Variants in PCNX1 observed in about 807,000 individuals in gnomAD.
The protein encoded by PCNX1 is pecanex 1, also known as pecanex-like protein 1.
A neutral mutation model predicts 242.2 loss-of-function variants in PCNX1; 78 were observed. That is an observed-to-expected ratio of 0.32 (90% CI 0.27 to 0.39). PCNX1 has a LOEUF of 0.39. PCNX1 is among the 10% of genes least tolerant of loss of function. The pLI, the probability that PCNX1 is intolerant of heterozygous loss-of-function variation, is 1.00. For missense variants in PCNX1, 2,581 were observed against 2,856.5 expected (o/e 0.90, Z 2.20); for synonymous variants, 1,024 against 1,032.9 (o/e 0.99, Z 0.17).
Position 70,968,190 on chromosome 14 carries a change from G to A in PCNX1, c.469-8G>A, listed in dbSNP as rs200827289. ...ATTAGTTTTATTTACTTCATGTCAC[G>A]TTTTCAGATTGGATCTGGTTCCTCG... is the stretch of plus-strand genomic sequence containing the variant. On this transcript the variant is annotated splice_region_variant and splice_polypyrimidine_tract_variant and intron_variant, in intron 3 of 35. Coordinates refer to ENST00000304743, the MANE Select transcript of PCNX1 (RefSeq NM_014982.3). The A allele has an allele frequency of 1.0e-5, 16 of 1,607,578 alleles. No individual in the cohort carries two copies. Among genetic ancestry groups the A allele is most frequent in the African/African-American group, 1.3e-5 (1 of 74,868 alleles).
rs749060648 is a variant in PCNX1 at position 70,946,961 on chromosome 14, T to C, written c.200T>C (p.Ile67Thr). 6.2e-7 allele frequency: 1 copy of C among 1,613,920 alleles called. No individual in the cohort carries two copies. The highest frequency in any genetic ancestry group is 8.5e-7 in the Non-Finnish European group (1 of 1,179,806). ...ATAGTAGCAGTTTATTGTCCTGTGATAGCTGCTGTTTTCATTGTTCTGAAG... is the reference window on the plus strand; with the variant it reads ...ATAGTAGCAGTTTATTGTCCTGTGACAGCTGCTGTTTTCATTGTTCTGAAG... ...MIIVAVYCPV[I>T]AAVFIVLKMV... Residue 67 changes from isoleucine (I) to threonine (T), a missense_variant, in exon 2 of 36, where the codon ATA becomes ACA. Around this residue, in one of 9 missense-constraint regions of PCNX1, gnomAD observed 1,204 missense variants for 1,216.7 expected, o/e 0.99. Coordinates refer to ENST00000304743, the MANE Select transcript of PCNX1 (RefSeq NM_014982.3).
In PCNX1 at chr14:70,977,222, C is replaced by G. The variant is rs775928236; in HGVS notation, c.885C>G (p.Asp295Glu). Residue 295 changes from aspartate (D) to glutamate (E), a missense_variant, in exon 6 of 36, where the codon GAC becomes GAG. Asp to Glu is a conservative substitution (Grantham distance 45). Coordinates refer to ENST00000304743, the MANE Select transcript of PCNX1 (RefSeq NM_014982.3). Reference sequence around the variant, plus strand: ...CTAGCTCTGCTGTGGCTTTTCCAGACACTTCACTGAATGATTTTCCCCTTT... The same window carrying G: ...CTAGCTCTGCTGTGGCTTTTCCAGAGACTTCACTGAATGATTTTCCCCTTT... Reference protein sequence around the residue: ...RTSSSAVAFPDTSLNDFPLYQ... With the variant: ...RTSSSAVAFPETSLNDFPLYQ... 6.2e-7 allele frequency: 1 copy of G among 1,614,204 alleles called. No homozygotes were observed. The highest frequency in any genetic ancestry group is 1.7e-5 in the Admixed American group (1 of 60,020).
At position 71,114,413 on chromosome 14, in the gene PCNX1, A is replaced by G. The variant is rs1442880250; in HGVS notation, c.*4478A>G. 1.3e-5 allele frequency: 2 copies of G among 152,246 alleles called. No individual in the cohort carries two copies. Among genetic ancestry groups the G allele is most frequent in the Non-Finnish European group, 2.9e-5 (2 of 68,036 alleles). 9.4% of individuals were successfully genotyped at this position (152,246 alleles called of 1,614,324 possible). A position where few individuals can be genotyped will look rare whatever the true frequency, so the allele number is the denominator to read the frequency against. On this transcript the variant is annotated 3_prime_UTR_variant, in exon 36 of 36. Coordinates refer to ENST00000304743, the MANE Select transcript of PCNX1 (RefSeq NM_014982.3). ...AATCTGGTAGGATATGAGTGGAGTA[A>G]GTTTGCTTGAAACAGAAGTATATTT...
intron 30 of PCNX1, among the ~76,000 whole-genome samples, chr14:71,096,017 A>G (rs541588543): frequency 6.6e-6 from 1 of 152,094 alleles, no homozygotes; most frequent in Admixed American, 6.6e-5. Context: ...CTCTACAAAA[A>G]ATTTTTTAAA....
At chr14:70,985,493 C>T (rs374829134) in intron 6 of PCNX1, among the ~76,000 whole-genome samples, 9 of 152,274 alleles carry the variant, frequency 5.9e-5, no homozygotes, top group South Asian at 2.1e-4. Context: ...GGATTACAGG[C>T]GTGAGCCACT....
intron 8 of PCNX1, among the ~76,000 whole-genome samples, chr14:70,996,494 A>G (rs1456219119): frequency 2.6e-5 from 4 of 152,194 alleles, no homozygotes; most frequent in South Asian, 2.1e-4. Flanking sequence ...CAATATATCT[A>G]TAAACATATA....
At chr14:71,098,342 G>A (rs188719411) in intron 30 of PCNX1, among the ~76,000 whole-genome samples, 1 of 152,156 alleles carries the variant, frequency 6.6e-6, no homozygotes, top group East Asian at 1.9e-4. Flanking sequence ...GATAGGAATG[G>A]CATCGAAGCT....
At chr14:71,067,070 C>CTT (rs376284780) in intron 26 of PCNX1, among the ~76,000 whole-genome samples, 1 of 140,590 alleles carries the variant, frequency 7.1e-6, no homozygotes. Context: ...CTGAAATTTT[C>CTT]TTTTTTTTTT....
At chr14:71,076,151 T>C (rs575231421) in intron 27 of PCNX1, 38 bp from the exon 28 acceptor site, 1 of 1,231,432 alleles carries the variant, frequency 8.1e-7, no homozygotes, top group Non-Finnish European at 1.2e-6. Context: ...AATTGTAATT[T>C]AATCTGAATT....
intron 26 of PCNX1, among the ~76,000 whole-genome samples, chr14:71,068,458 A>G (rs918803782): frequency 2.0e-5 from 3 of 149,140 alleles, no homozygotes; most frequent in African/African-American, 4.9e-5. Flanking sequence ...ATATATGTGT[A>G]TATACATATA....
Position 70,962,292 on chromosome 14 carries a change from T to C in PCNX1, c.429T>C (p.Ser143=). The part of the protein sequence containing the change: ...IREATPPVGC[S]SRNSYAGLDP... ...AGGCCACACCCCCAGTTGGTTGCAG[T>C]TCCAGAAATTCTTATGCCGGTCTAG... Residue 143 remains serine (S), a synonymous_variant, in exon 3 of 36, where the codon AGT becomes AGC. Transcript: ENST00000304743. The C allele has an allele frequency of 6.2e-7, 1 of 1,613,526 alleles. No individual in the cohort carries two copies. The highest frequency in any genetic ancestry group is 8.5e-7 in the Non-Finnish European group (1 of 1,179,506).
chr14:70,914,784 A>G (rs1279949558), intron 1 of PCNX1, among the ~76,000 whole-genome samples: 2 of 151,846 alleles, frequency 1.3e-5, no homozygotes, highest in Non-Finnish European at 2.9e-5. Flanking sequence ...TCACCCCTAA[A>G]CTCTTCAGCA....
rs190281723 is a variant in PCNX1, at chr14:70,923,044, A to T, written c.153+15041A>T. Among the ~76,000 whole-genome samples the T allele has an allele frequency of 2.1e-4, 32 of 152,240 alleles. No homozygotes were observed. In the East Asian group the frequency reaches 6.0e-3, roughly 28 times the overall value. ...TAGTGTAAAATGGCATCTTGTTTTAATCTATGTTTCCTTAATCATGAATTC... is the reference window on the plus strand; with the variant it reads ...TAGTGTAAAATGGCATCTTGTTTTATTCTATGTTTCCTTAATCATGAATTC... On this transcript the variant is annotated intron_variant, in intron 1 of 35. Coordinates refer to ENST00000304743, the MANE Select transcript of PCNX1 (RefSeq NM_014982.3).
chr14:71,034,982 C>G (rs1195342523), intron 18 of PCNX1, among the ~76,000 whole-genome samples: 3 of 152,128 alleles, frequency 2.0e-5, no homozygotes, highest in Non-Finnish European at 4.4e-5. Context: ...TAAAATAGGA[C>G]TTAAGCACAC....
intron 6 of PCNX1, among the ~76,000 whole-genome samples, chr14:70,982,042 A>G (rs1005484794): frequency 1.3e-5 from 2 of 152,316 alleles, no homozygotes; most frequent in South Asian, 2.1e-4. Flanking sequence ...GGAACCAAAA[A>G]TAATCTTCAA....
rs137860776 is a variant in PCNX1 at position 71,111,899 on chromosome 14, C to T, written c.*1964C>T. 2.6e-5 allele frequency: 4 copies of T among 152,448 alleles called. No homozygotes were observed. The highest frequency in any genetic ancestry group is 1.9e-4 in the East Asian group (1 of 5,182). The allele number at this position is 152,448 out of a possible 1,614,324, so 9.4% of individuals were successfully genotyped here. A position where few individuals can be genotyped will look rare whatever the true frequency, so the allele number is the denominator to read the frequency against. On this transcript the variant is annotated 3_prime_UTR_variant, in exon 36 of 36. Coordinates refer to ENST00000304743, the MANE Select transcript of PCNX1 (RefSeq NM_014982.3). ...ATTTAAAAATGTATTTTTGTGATACCGTCATTATGTTCTGCATTTGCCTCA... is the reference window on the plus strand; with the variant it reads ...ATTTAAAAATGTATTTTTGTGATACTGTCATTATGTTCTGCATTTGCCTCA...
intron 1 of PCNX1, among the ~76,000 whole-genome samples, chr14:70,913,749 G>A (rs1391578624): frequency 6.6e-6 from 1 of 152,100 alleles, no homozygotes; most frequent in Non-Finnish European, 1.5e-5. Flanking sequence ...TTTAGTTAGG[G>A]TGACTAAAAC....
chr14:70,988,779 T>C, intron 7 of PCNX1, 80 bp downstream of exon 7: 1 of 1,460,542 alleles, frequency 6.8e-7, no homozygotes, highest in Non-Finnish European at 9.4e-7. Context: ...CAAGAAAGCA[T>C]TTGAAGAGCT....
intron 30 of PCNX1, among the ~76,000 whole-genome samples, chr14:71,089,927 G>A (rs2062086464): frequency 6.6e-6 from 1 of 152,184 alleles, no homozygotes; most frequent in African/African-American, 2.4e-5. Flanking sequence ...ACATTAGAGA[G>A]TGACTGATAC....
Sources: allele counts gnomAD v4.1 joint callset (sites outside exome capture counted in the v4.1 genomes callset), GRCh38; gene constraint gnomAD v4.1.1; regional missense constraint gnomAD v4.1.1; transcripts MANE v1.5; gene names NCBI Gene and HGNC (gene_info 2026-07-23, HGNC 2026-07-21).